USH2A: variants seen among roughly 807,000 people sequenced by gnomAD.
USH2A encodes the protein usherin.
USH2A carries 443 observed loss-of-function variants against 538.9 expected under a neutral mutation model. That is an observed-to-expected ratio of 0.82 (90% confidence interval 0.76 to 0.89). The LOEUF (loss-of-function observed/expected upper bound fraction) is 0.89. Ranked by LOEUF, USH2A falls within the 40% of genes least tolerant of loss-of-function variation. USH2A has a pLI of 0.00. For synonymous variants in USH2A, 2,413 were observed against 2,273.5 expected, an observed-to-expected ratio of 1.06 and a Z score of -1.75; for missense variants, 6,633 against 6,324.8, an observed-to-expected ratio of 1.05 and a Z score of -1.65.
chr1:216,381,362 T>C (rs1278690147), intron 3 of USH2A, among the ~76,000 whole-genome samples: 1 of 152,188 alleles, frequency 6.6e-6, no homozygotes, highest in Admixed American at 6.6e-5. Context: ...ATCTTGAACA[T>C]GTTGCTAAGG....
chr1:216,194,991 G>A (rs2034806817), intron 19 of USH2A, among the ~76,000 whole-genome samples: 1 of 152,066 alleles, frequency 6.6e-6, no homozygotes, highest in Non-Finnish European at 1.5e-5. Context: ...GAGAATCACA[G>A]GGCAGATAGA....
At chr1:215,909,692 G>A (rs1368499866) in intron 38 of USH2A, among the ~76,000 whole-genome samples, 1 of 151,972 alleles carries the variant, frequency 6.6e-6, no homozygotes, top group Non-Finnish European at 1.5e-5. Flanking sequence ...CATGTTAGAT[G>A]CGATAGGCAG....
intron 15 of USH2A, among the ~76,000 whole-genome samples, chr1:216,208,153 C>T (rs1241321812): frequency 6.6e-6 from 1 of 152,018 alleles, no homozygotes; most frequent in African/African-American, 2.4e-5. Context: ...TTTTCTTAGT[C>T]TCCCTGCTTT....
At chr1:216,087,289 A>G (rs2032164962) in intron 23 of USH2A, among the ~76,000 whole-genome samples, 1 of 152,118 alleles carries the variant, frequency 6.6e-6, no homozygotes, top group Admixed American at 6.6e-5. Context: ...TTGGCTTTCA[A>G]TACCATCCTT....
chr1:215,741,610 G>T, intron 59 of USH2A, 73 bp from the exon 60 acceptor site: 3 of 1,519,966 alleles, frequency 2.0e-6, no homozygotes, highest in Non-Finnish European at 2.7e-6. Flanking sequence ...ATACAGAAGG[G>T]TAATGATATC....
At chr1:216,206,886 G>C (rs968321408) in intron 16 of USH2A, among the ~76,000 whole-genome samples, 6 of 152,072 alleles carry the variant, frequency 3.9e-5, no homozygotes, top group African/African-American at 1.4e-4. Context: ...AAATAAGTTT[G>C]CTAAGTCAAA....
chr1:216,152,829 C>T (rs1468815867), intron 21 of USH2A, among the ~76,000 whole-genome samples: 1 of 152,218 alleles, frequency 6.6e-6, no homozygotes, highest in East Asian at 1.9e-4. Context: ...AAAGGCACTT[C>T]TGTTTTCACA....
intron 38 of USH2A, among the ~76,000 whole-genome samples, chr1:215,904,288 C>A (rs1044205379): frequency 6.6e-6 from 1 of 151,984 alleles, no homozygotes; most frequent in South Asian, 2.1e-4. Context: ...GGAAGAAGTG[C>A]CCCAAAGTAG....
chr1:216,185,356 A>G (rs574464636), intron 20 of USH2A, among the ~76,000 whole-genome samples: 8 of 152,084 alleles, frequency 5.3e-5, no homozygotes, highest in African/African-American at 1.9e-4. Context: ...GAGAGAGCCA[A>G]TTATAATTCT....
At chr1:216,395,566 A>G (rs1239640134) in intron 3 of USH2A, among the ~76,000 whole-genome samples, 1 of 152,346 alleles carries the variant, frequency 6.6e-6, no homozygotes, top group East Asian at 1.9e-4. Flanking sequence ...TGGTATCACA[A>G]CTTATGCTCC....
intron 21 of USH2A, among the ~76,000 whole-genome samples, chr1:216,143,311 TATTATCTAGC>T (rs1299444950): frequency 1.3e-5 from 2 of 152,192 alleles, no homozygotes; most frequent in African/African-American, 4.8e-5. Flanking sequence ...TTTTCTCAGA[TATTATCTAGC>T]ATAAATTAAA....
intron 29 of USH2A, among the ~76,000 whole-genome samples, chr1:216,070,566 G>A (rs1487859354): frequency 6.6e-6 from 1 of 152,104 alleles, no homozygotes; most frequent in Non-Finnish European, 1.5e-5. Context: ...TATCAGACAT[G>A]TTTAAACATC....
intron 12 of USH2A, among the ~76,000 whole-genome samples, chr1:216,247,733 G>A (rs913921110): frequency 7.2e-5 from 11 of 152,008 alleles, no homozygotes; most frequent in Non-Finnish European, 8.8e-5. Context: ...ATAATGTATT[G>A]TATACTTGAA....
chr1:216,112,975 ATGGGATTGC>A (rs1336971936), intron 21 of USH2A, among the ~76,000 whole-genome samples: 2 of 151,964 alleles, frequency 1.3e-5, no homozygotes, highest in African/African-American at 2.4e-5. Context: ...ATACCCAGTA[ATGGGATTGC>A]TGGGTCAAAT....
intron 21 of USH2A, among the ~76,000 whole-genome samples, chr1:216,123,892 A>AT (rs984261466): frequency 5.3e-5 from 8 of 152,026 alleles, no homozygotes; most frequent in African/African-American, 1.9e-4. Context: ...CTAGTCATAC[A>AT]TTTTTTTCTT....
At chr1:216,329,455 A>G (rs778797926) in intron 4 of USH2A, among the ~76,000 whole-genome samples, 124 of 152,220 alleles carry the variant, frequency 8.1e-4, no homozygotes, top group Middle Eastern at 3.4e-3. Flanking sequence ...GGGGAATAGG[A>G]AAGACGAATA....
chr1:216,079,894 T>TA (rs2031879508), intron 26 of USH2A: 1 of 152,126 alleles, frequency 6.6e-6, no homozygotes, highest in Non-Finnish European at 1.5e-5. Context: ...TAGGACCTGG[T>TA]AAAAAAGGTA....
At chr1:216,089,855 C>G (rs1047511129) in intron 22 of USH2A, among the ~76,000 whole-genome samples, 2 of 151,450 alleles carry the variant, frequency 1.3e-5, no homozygotes, top group Non-Finnish European at 2.9e-5. Context: ...GAAGAAACAC[C>G]TGCCATCTCA....
chr1:215,780,597 A>C (rs1661604417), intron 54 of USH2A, among the ~76,000 whole-genome samples: 1 of 152,254 alleles, frequency 6.6e-6, no homozygotes. Context: ...GAAAAAAATA[A>C]ATCAATTACT....
Sources: gnomAD v4.1 joint callset for allele counts (sites outside exome capture counted in the v4.1 genomes callset) on GRCh38, gnomAD v4.1.1 for gene constraint, MANE v1.5 for transcripts, NCBI Gene and HGNC (gene_info 2026-07-23, HGNC 2026-07-21) for gene names.